Variants in NYAP2 observed in about 807,000 individuals in gnomAD.
NYAP2 encodes the protein neuronal tyrosine-phosphorylated phosphoinositide-3-kinase adaptor 2.
In NYAP2, 23 loss-of-function variants were observed where a neutral mutation model predicts 50.4. The observed-to-expected ratio is 0.46, with a 90% CI of 0.33 to 0.65. NYAP2 has a LOEUF of 0.65. Among genes scored for constraint, NYAP2 ranks in the 30% least tolerant of loss-of-function variants. NYAP2 has a pLI of 0.02. For missense variants in NYAP2, 885 were observed against 861.0 expected (o/e 1.03, Z -0.35); for synonymous variants, 394 against 365.2 (o/e 1.08, Z -0.90).
the NYAP2 span, among the ~76,000 whole-genome samples, chr2:225,666,934 A>C: frequency 6.6e-6 from 1 of 150,586 alleles, no homozygotes; most frequent in Non-Finnish European, 1.5e-5. Flanking sequence ...TTGGGGTAAA[A>C]TATTTTGACT....
intron 5 of NYAP2, among the ~76,000 whole-genome samples, chr2:225,608,737 A>T (rs1692831493): frequency 6.6e-6 from 1 of 152,118 alleles, no homozygotes; most frequent in South Asian, 2.1e-4. Flanking sequence ...CCACACAGTG[A>T]CTTTCTGGAA....
chr2:225,573,169 A>AT (rs146321195), intron 4 of NYAP2, among the ~76,000 whole-genome samples: 19,909 of 149,372 alleles, frequency 0.13, 1,384 homozygotes, highest in African/African-American at 0.15. Context: ...TTAATTTTGG[A>AT]TTTTTTTTTC....
intron 4 of NYAP2, among the ~76,000 whole-genome samples, chr2:225,552,439 C>T (rs1196035552): frequency 3.3e-5 from 5 of 152,148 alleles, no homozygotes; most frequent in African/African-American, 1.2e-4. Context: ...ATGATGAATT[C>T]GTCATCCACA....
chr2:225,633,146 C>A (rs1333572789), intron 6 of NYAP2, among the ~76,000 whole-genome samples: 2 of 152,182 alleles, frequency 1.3e-5, no homozygotes, highest in Non-Finnish European at 2.9e-5. Flanking sequence ...CACACCTGCC[C>A]TGGCTTGGCC....
At chr2:225,414,570 C>T (rs1380664190) in intron 3 of NYAP2, among the ~76,000 whole-genome samples, 1 of 151,970 alleles carries the variant, frequency 6.6e-6, no homozygotes, top group Non-Finnish European at 1.5e-5. Flanking sequence ...TGTATTGAAC[C>T]ATTGACACAC....
intron 2 of NYAP2, among the ~76,000 whole-genome samples, chr2:225,408,641 C>T: frequency 6.6e-6 from 1 of 152,040 alleles, no homozygotes; most frequent in South Asian, 2.1e-4. Flanking sequence ...AGAGCTTTGA[C>T]CTTTGTCCTG....
intron 4 of NYAP2, among the ~76,000 whole-genome samples, chr2:225,573,796 G>T (rs1473501536): frequency 6.6e-6 from 1 of 152,114 alleles, no homozygotes; most frequent in Non-Finnish European, 1.5e-5. Context: ...ACAGCAATTG[G>T]CTCTCAAGAT....
At chr2:225,437,159 C>G (rs956358150) in intron 3 of NYAP2, among the ~76,000 whole-genome samples, 4 of 151,926 alleles carry the variant, frequency 2.6e-5, no homozygotes, top group African/African-American at 9.7e-5. Context: ...GTTTCTAAAA[C>G]CAAGCAGCCA....
chr2:225,413,603 A>G (rs1695081283), intron 3 of NYAP2, among the ~76,000 whole-genome samples: 2 of 152,156 alleles, frequency 1.3e-5, no homozygotes, highest in African/African-American at 4.8e-5. Flanking sequence ...TGTGTTTTTA[A>G]TATTTTGAGA....
At chr2:225,622,556 TCTTTTTC>T (rs1693132011) in intron 5 of NYAP2, among the ~76,000 whole-genome samples, 1 of 29,282 alleles carries the variant, frequency 3.4e-5, no homozygotes, top group Non-Finnish European at 6.7e-5. Context: ...TTTCTTTCTT[TCTTTTTC>T]TTTCTTTCTT....
intron 5 of NYAP2, among the ~76,000 whole-genome samples, chr2:225,603,660 A>G (rs569035887): frequency 1.2e-4 from 18 of 152,130 alleles, no homozygotes; most frequent in African/African-American, 3.6e-4. Flanking sequence ...CCATGTCTCA[A>G]TGATTTTTTT....
Position 225,571,236 on chromosome 2 carries a change from C to A in NYAP2, c.524-10705C>A, listed in dbSNP as rs767226635. Among the ~76,000 whole-genome samples the A allele has an allele frequency of 3.7e-4, 57 of 152,164 alleles. 1 individual carries two copies. The highest frequency in any genetic ancestry group is 6.3e-4 in the Non-Finnish European group (43 of 68,044). ...GGCTTTTCCAGGCACATGGTGCAAG[C>A]TGTTAGTGGATCTACCATTCTGGGG... On this transcript the variant is annotated intron_variant, in intron 4 of 6. Coordinates refer to ENST00000636099, the Ensembl canonical transcript of NYAP2.
rs139218820 is a variant in NYAP2, at chr2:225,463,749, G to A, written c.222-49622G>A. 7.4e-3 allele frequency among the ~76,000 whole-genome samples: 1,120 copies of A among 152,268 alleles called. 12 individuals carry two copies. The highest frequency in any genetic ancestry group is 0.026 in the African/African-American group (1,063 of 41,548). ...ATCCCTATGCAGGTCTTTTTTAGGAGACTTAGTAAGCACTGGGGTGATGAA... is the reference window on the plus strand; with the variant it reads ...ATCCCTATGCAGGTCTTTTTTAGGAAACTTAGTAAGCACTGGGGTGATGAA... On this transcript the variant is annotated intron_variant, in intron 3 of 6. Transcript: ENST00000636099.
intron 4 of NYAP2, 54 bp downstream of exon 4, chr2:225,513,726 A>G: frequency 7.2e-7 from 1 of 1,382,138 alleles, no homozygotes; most frequent in Non-Finnish European, 9.5e-7. Flanking sequence ...TAGTATGTTC[A>G]GGTCAGCATG....
At chr2:225,525,041 T>C (rs1691127596) in intron 4 of NYAP2, among the ~76,000 whole-genome samples, 2 of 152,160 alleles carry the variant, frequency 1.3e-5, no homozygotes, top group Admixed American at 6.6e-5. Context: ...TATGATGTCA[T>C]CTTATGCTAG....
intron 4 of NYAP2, among the ~76,000 whole-genome samples, chr2:225,575,233 C>A (rs768420070): frequency 6.6e-6 from 1 of 152,146 alleles, no homozygotes; most frequent in Non-Finnish European, 1.5e-5. Flanking sequence ...ATTTCCTTAA[C>A]AGCTTTAGAG....
At chr2:225,673,252 C>T in the NYAP2 span, among the ~76,000 whole-genome samples, 1 of 151,962 alleles carries the variant, frequency 6.6e-6, no homozygotes, top group South Asian at 2.1e-4. Flanking sequence ...CCCACCAGGT[C>T]CCTCCCACAA....
chr2:225,676,473 T>C, the NYAP2 span, among the ~76,000 whole-genome samples: 1 of 152,090 alleles, frequency 6.6e-6, no homozygotes, highest in Non-Finnish European at 1.5e-5. Flanking sequence ...CTGGGCAGTT[T>C]ACAAAAGAAA....
intron 4 of NYAP2, among the ~76,000 whole-genome samples, chr2:225,563,022 GT>G (rs1240057448): frequency 6.6e-6 from 1 of 152,144 alleles, no homozygotes; most frequent in East Asian, 1.9e-4. Context: ...AACAAAAGAT[GT>G]TTAGAAGGAA....
Sources: gnomAD v4.1 joint callset for allele counts (sites outside exome capture counted in the v4.1 genomes callset) on GRCh38, gnomAD v4.1.1 for gene constraint, MANE v1.5 for transcripts, NCBI Gene and HGNC (gene_info 2026-07-23, HGNC 2026-07-21) for gene names.